Variants in ABLIM2 observed in about 807,000 individuals in gnomAD.
ABLIM2 encodes the protein actin binding LIM protein family member 2, also known as actin-binding LIM protein 2.
In ABLIM2, 53 loss-of-function variants were observed where a neutral mutation model predicts 97.7. The observed-to-expected ratio is 0.54, with a 90% confidence interval of 0.44 to 0.68. The LOEUF (loss-of-function observed/expected upper bound fraction) is 0.68. Among genes scored for constraint, ABLIM2 ranks in the 30% least tolerant of loss-of-function variants. The pLI is 0.00. For synonymous variants in ABLIM2, 361 were observed against 345.8 expected (o/e 1.04, Z -0.49); for missense variants, 835 against 867.2 (o/e 0.96, Z 0.47).
At chr4:8,143,568 C>G (rs1368190636) in intron 1 of ABLIM2, among the ~76,000 whole-genome samples, 2 of 152,156 alleles carry the variant, frequency 1.3e-5, no homozygotes, top group Non-Finnish European at 2.9e-5. Context: ...CTAACTCCTA[C>G]TTGGTTGGAT....
chr4:8,073,116 C>T (rs1380252401), intron 6 of ABLIM2, among the ~76,000 whole-genome samples: 1 of 151,428 alleles, frequency 6.6e-6, no homozygotes, highest in African/African-American at 2.4e-5. Flanking sequence ...GGAGGGGAAG[C>T]CCTGGCAGGT....
chr4:7,971,226 G>A (rs1055905584), intron 20 of ABLIM2, among the ~76,000 whole-genome samples: 1 of 152,162 alleles, frequency 6.6e-6, no homozygotes, highest in African/African-American at 2.4e-5. Flanking sequence ...GGGTCTGCCA[G>A]GGCAGGCAGG....
At chr4:8,156,954 G>A (rs1473283342) in intron 1 of ABLIM2, among the ~76,000 whole-genome samples, 3 of 152,210 alleles carry the variant, frequency 2.0e-5, no homozygotes, top group Non-Finnish European at 4.4e-5. Flanking sequence ...GTTCCAAAGG[G>A]CTGGATTGAT....
At chr4:8,099,165 T>C (rs745610732) in intron 2 of ABLIM2, among the ~76,000 whole-genome samples, 76 of 152,216 alleles carry the variant, frequency 5.0e-4, no homozygotes, top group Admixed American at 1.0e-3. Context: ...GAAAATGCTT[T>C]GTCCGATCTT....
Position 7,969,828 on chromosome 4 carries a change from TG to T in ABLIM2, c.1825-2726del, listed in dbSNP as rs539824350. Among the ~76,000 whole-genome samples, 282 of 151,706 alleles carry T rather than the reference TG, an allele frequency of 1.9e-3. 1 individual carries two copies. Among genetic ancestry groups the T allele is most frequent in the African/African-American group, 6.0e-3 (248 of 41,388 alleles). On this transcript the variant is annotated intron_variant, in intron 20 of 20. Transcript: ENST00000447017. ...CAGCCGCCTGCTGCTATCTCGAGTT[TG>T]CAAAGAGGAAAAGAATCCTGGTGCT... is the stretch of plus-strand genomic sequence containing the variant.
At chr4:8,057,282 C>T (rs139293056) in intron 7 of ABLIM2, among the ~76,000 whole-genome samples, 3,793 of 152,082 alleles carry the variant, frequency 0.025, 79 homozygotes, top group Admixed American at 0.068. Flanking sequence ...GATGGGGTTT[C>T]GCCATGTTGG....
At chr4:8,014,881 C>T (rs1350085467) in intron 14 of ABLIM2, among the ~76,000 whole-genome samples, 7 of 152,000 alleles carry the variant, frequency 4.6e-5, no homozygotes, top group African/African-American at 1.2e-4. Context: ...TCTCTCCTTC[C>T]GGCCTCCCTC....
At chr4:7,979,264 C>G (rs903765743) in intron 20 of ABLIM2, among the ~76,000 whole-genome samples, 4 of 152,210 alleles carry the variant, frequency 2.6e-5, no homozygotes, top group African/African-American at 9.7e-5. Context: ...TAGCACGATC[C>G]CCACACATCT....
intron 8 of ABLIM2, among the ~76,000 whole-genome samples, chr4:8,052,955 C>T (rs570745070): frequency 9.7e-4 from 147 of 152,320 alleles, no homozygotes; most frequent in African/African-American, 3.3e-3. Context: ...TGCTGAGATC[C>T]GCAGCAGGAT....
chr4:7,969,004 T>A (rs1007841799), intron 20 of ABLIM2, among the ~76,000 whole-genome samples: 1 of 151,978 alleles, frequency 6.6e-6, no homozygotes, highest in Non-Finnish European at 1.5e-5. Context: ...TGGTGGCACA[T>A]GCCTGTAATC....
intron 20 of ABLIM2, among the ~76,000 whole-genome samples, chr4:7,968,706 G>A (rs774030079): frequency 3.3e-5 from 5 of 152,200 alleles, no homozygotes; most frequent in African/African-American, 1.2e-4. Context: ...ACTGTTTAAC[G>A]GATATGGGGT....
rs1332267396 is a variant in ABLIM2 at position 8,071,949 on chromosome 4, T to A, written c.675+5679A>T. 1.2e-5 allele frequency: 12 copies of A among 985,360 alleles called. No homozygotes were observed. The highest frequency in any genetic ancestry group is 1.2e-5 in the Non-Finnish European group (10 of 830,010). The allele number at this position is 985,360 out of a possible 1,614,324, so 61.0% of individuals were successfully genotyped here. A position where few individuals can be genotyped will look rare whatever the true frequency, so the allele number is the denominator to read the frequency against. On this transcript the variant is annotated intron_variant, in intron 6 of 20. Transcript: ENST00000447017. The surrounding 1 kb of genome is among the most constrained non-coding windows in gnomAD (Gnocchi z 6.2). The stretch of plus-strand genomic sequence containing the variant: ...GGGCACCGGCACACTGGGCCGAGCA[T>A]CAGGCAGTGCCACCGCGGCGGCGGC...
chr4:8,073,436 G>A (rs1813770319), intron 6 of ABLIM2, among the ~76,000 whole-genome samples: 1 of 151,948 alleles, frequency 6.6e-6, no homozygotes, highest in African/African-American at 2.4e-5. Context: ...GCTTTGGACT[G>A]CCAGGCAGTG....
chr4:8,137,721 G>A (rs750897054), intron 1 of ABLIM2, among the ~76,000 whole-genome samples: 5 of 152,256 alleles, frequency 3.3e-5, no homozygotes, highest in Non-Finnish European at 5.9e-5. Context: ...CCCCCACCAA[G>A]TGTCAAATGG....
chr4:8,074,661 T>A (rs988271960), intron 6 of ABLIM2, among the ~76,000 whole-genome samples: 2 of 152,124 alleles, frequency 1.3e-5, no homozygotes, highest in Admixed American at 1.3e-4. Context: ...TTAGGAAAAA[T>A]TAGAAATGCA....
In ABLIM2 at chr4:8,023,450, T is replaced by G. The variant is rs1427730718; in HGVS notation, c.1268-3147A>C. Among the ~76,000 whole-genome samples, 2 of 152,258 alleles carry G rather than the reference T, an allele frequency of 1.3e-5. No homozygotes were observed. The highest frequency in any genetic ancestry group is 3.9e-4 in the East Asian group (2 of 5,192). Reference sequence around the variant, plus strand: ...CATGGCGATACTGGGCTTATGGGGTTGAGAAGGAAGCCCATGAGGTGAAGT... The same window carrying G: ...CATGGCGATACTGGGCTTATGGGGTGGAGAAGGAAGCCCATGAGGTGAAGT... On this transcript the variant is annotated intron_variant, in intron 12 of 20. Transcript: ENST00000447017. This position sits in a 1 kb window ranked among gnomAD's most constrained non-coding sequence, Gnocchi z 5.7.
rs10033815 is a variant in ABLIM2 at position 8,147,532 on chromosome 4, C to T, written c.10+11148G>A. Among the ~76,000 whole-genome samples the T allele has an allele frequency of 0.034, 5,216 of 152,252 alleles. 318 individuals are homozygous for T. The highest frequency in any genetic ancestry group is 0.12 in the African/African-American group (4,966 of 41,508). ...TATGGGCGGGCTCTGAGTGCAATCT[C>T]AAGAGTCCTTATGGGGAGGAGGGAG... On this transcript the variant is annotated intron_variant, in intron 1 of 20. Coordinates refer to ENST00000447017, the MANE Select transcript of ABLIM2 (RefSeq NM_001130083.2). The surrounding 1 kb of genome is among the most constrained non-coding windows in gnomAD (Gnocchi z 5.3).
Position 8,155,141 on chromosome 4 carries a change from G to C in ABLIM2, c.10+3539C>G, listed in dbSNP as rs1207164199. ...GCCAGACCGTATCAGCTCATAGTAGGCATTTTGTGCATCTTTGCTGAATAA... is the reference window on the plus strand; with the variant it reads ...GCCAGACCGTATCAGCTCATAGTAGCCATTTTGTGCATCTTTGCTGAATAA... On this transcript the variant is annotated intron_variant, in intron 1 of 20. Coordinates refer to ENST00000447017, the MANE Select transcript of ABLIM2 (RefSeq NM_001130083.2). The surrounding 1 kb of genome is among the most constrained non-coding windows in gnomAD (Gnocchi z 4.2). Among the ~76,000 whole-genome samples, 1 of 152,184 alleles carries C rather than the reference G, an allele frequency of 6.6e-6. No individual in the cohort carries two copies. Among genetic ancestry groups the C allele is most frequent in the Admixed American group, 6.5e-5 (1 of 15,282 alleles).
chr4:8,139,847 A>G (rs555612802), intron 1 of ABLIM2, among the ~76,000 whole-genome samples: 7 of 152,316 alleles, frequency 4.6e-5, no homozygotes, highest in African/African-American at 1.7e-4. Context: ...GCATGAAATC[A>G]ACCCAAATGC....
Sources: allele counts gnomAD v4.1 joint callset (sites outside exome capture counted in the v4.1 genomes callset), GRCh38; gene constraint gnomAD v4.1.1; non-coding constraint Gnocchi (gnomAD v3.1); transcripts MANE v1.5; gene names NCBI Gene and HGNC (gene_info 2026-07-23, HGNC 2026-07-21).